The following PTPRG variants were observed in gnomAD, a reference collection of about 807,000 sequenced individuals.
The protein encoded by PTPRG is protein tyrosine phosphatase receptor type G.
A neutral mutation model predicts 165.3 loss-of-function variants in PTPRG; 102 were observed. The ratio of observed to expected loss-of-function variants is 0.62; its 90% CI spans 0.53 to 0.73. The LOEUF (loss-of-function observed/expected upper bound fraction) is 0.73, where lower values mean the gene tolerates loss of function less well. Ranked by LOEUF, PTPRG falls within the 30% of genes least tolerant of loss-of-function variation. The pLI is 0.00. For missense variants in PTPRG, 1,866 were observed against 1,861.4 expected (o/e 1.00, Z -0.05); for synonymous variants, 675 against 669.5 (o/e 1.01, Z -0.13).
At chr3:62,030,699 C>G (rs189558869) in intron 4 of PTPRG, among the ~76,000 whole-genome samples, 16 of 152,124 alleles carry the variant, frequency 1.1e-4, no homozygotes, top group Non-Finnish European at 1.6e-4. Context: ...AGTTAATGAA[C>G]AGCAAACAGT....
chr3:61,705,917 A>G (rs978626699), intron 1 of PTPRG, among the ~76,000 whole-genome samples: 9 of 152,130 alleles, frequency 5.9e-5, no homozygotes, highest in African/African-American at 2.2e-4. Flanking sequence ...GCAATACACA[A>G]GCATACTCCG....
chr3:61,963,010 A>G lies in PTPRG; in HGVS notation c.191-26615A>G, dbSNP rs150560617. The stretch of plus-strand genomic sequence containing the variant: ...TATTTCCACCATGTTGGTGAATTCT[A>G]TATTCCGTCCCCACCCTATCCTCCC... On this transcript the variant is annotated intron_variant, in intron 2 of 29. Coordinates refer to ENST00000474889, the MANE Select transcript of PTPRG (RefSeq NM_002841.4). 3.5e-4 allele frequency among the ~76,000 whole-genome samples: 54 copies of G among 152,292 alleles called. 1 individual carries two copies. Among genetic ancestry groups the G allele is most frequent in the South Asian group, 2.1e-3 (10 of 4,824 alleles).
chr3:62,081,130 A>G (rs921113469), intron 5 of PTPRG, among the ~76,000 whole-genome samples: 6 of 151,322 alleles, frequency 4.0e-5, no homozygotes, highest in South Asian at 2.1e-4. Context: ...GGTGGCGGGC[A>G]CCTGTAGTCC....
In PTPRG at chr3:62,195,686, G is replaced by A. The variant is rs1362639434; in HGVS notation, c.1327+516G>A. 6.6e-6 allele frequency among the ~76,000 whole-genome samples: 1 copy of A among 152,090 alleles called. No homozygotes were observed. The highest frequency in any genetic ancestry group is 1.5e-5 in the Non-Finnish European group (1 of 68,022). On this transcript the variant is annotated intron_variant, in intron 10 of 29. Transcript: ENST00000474889. This position sits in a 1 kb window ranked among gnomAD's most constrained non-coding sequence, Gnocchi z 4.4. ...CTTAGGGACTAATAGAAAGGTCCAG[G>A]GCCAGAACTAGGGTGAAGCAAATGG...
intron 4 of PTPRG, among the ~76,000 whole-genome samples, chr3:62,005,210 A>G (rs1258699658): frequency 1.3e-5 from 2 of 152,182 alleles, no homozygotes; most frequent in African/African-American, 2.4e-5. Context: ...GGGACTTCCT[A>G]TCCTAGTCAC....
chr3:61,985,766 A>G (rs1388653290), intron 2 of PTPRG, among the ~76,000 whole-genome samples: 2 of 152,302 alleles, frequency 1.3e-5, no homozygotes, highest in African/African-American at 2.4e-5. Context: ...CATAGAAAAA[A>G]TAAGAGCAGT....
chr3:62,256,245 T>A (rs1275106587), intron 16 of PTPRG, among the ~76,000 whole-genome samples: 2 of 152,134 alleles, frequency 1.3e-5, no homozygotes, highest in African/African-American at 4.8e-5. Context: ...AGCTGGAAGG[T>A]GCAGTTACCT....
intron 27 of PTPRG, 111 bp from the exon 28 acceptor site, chr3:62,282,616 T>G: frequency 9.5e-7 from 1 of 1,049,500 alleles, no homozygotes; most frequent in Non-Finnish European, 1.3e-6. Flanking sequence ...TAACACAACA[T>G]TGTTGAGAGT....
intron 2 of PTPRG, among the ~76,000 whole-genome samples, chr3:61,792,717 TTTCTTTCTTTCTTTCTTTCTTTC>T (rs2034921679): frequency 8.7e-6 from 1 of 115,028 alleles, no homozygotes; most frequent in Non-Finnish European, 1.8e-5. Flanking sequence ...TCTTTCTTTC[TTTCTTTCTTTCTTTCTTTCTTTC>T]TTTCTTTGAG....
chr3:62,175,501 G>A (rs977715976), intron 8 of PTPRG, among the ~76,000 whole-genome samples: 4 of 152,212 alleles, frequency 2.6e-5, no homozygotes, highest in African/African-American at 9.6e-5. Flanking sequence ...TGTGCCAGAT[G>A]CTGTGCTATT....
intron 1 of PTPRG, among the ~76,000 whole-genome samples, chr3:61,732,915 G>A (rs992395241): frequency 3.3e-5 from 5 of 152,160 alleles, no homozygotes; most frequent in Non-Finnish European, 7.3e-5. Flanking sequence ...CAGTTAGTTG[G>A]TGTTAGCATA....
In PTPRG at chr3:61,949,808, C is replaced by T. The variant is rs1005219687; in HGVS notation, c.191-39817C>T. ...TGTCACCCAGGCTGGAGTGCAGTGG[C>T]GTGATCTCGGCTCACTGCAACCTCC... On this transcript the variant is annotated intron_variant, in intron 2 of 29. Coordinates refer to ENST00000474889, the MANE Select transcript of PTPRG (RefSeq NM_002841.4). Among the ~76,000 whole-genome samples the T allele has an allele frequency of 4.0e-5, 6 of 151,566 alleles. No homozygotes were observed. The South Asian group carries it at 6.3e-4, about 16-fold the overall frequency.
At chr3:62,143,985 A>T (rs1704024883) in intron 6 of PTPRG, among the ~76,000 whole-genome samples, 1 of 152,154 alleles carries the variant, frequency 6.6e-6, no homozygotes, top group Non-Finnish European at 1.5e-5. Flanking sequence ...GTGCCCTCTA[A>T]ATCAGTGGTC....
intron 1 of PTPRG, among the ~76,000 whole-genome samples, chr3:61,726,879 C>T (rs1035181712): frequency 6.6e-6 from 1 of 152,088 alleles, no homozygotes; most frequent in Non-Finnish European, 1.5e-5. Context: ...AATCCCGTCT[C>T]TACTGAAAAT....
intron 4 of PTPRG, among the ~76,000 whole-genome samples, chr3:62,073,442 G>A (rs539189720): frequency 5.9e-5 from 9 of 152,280 alleles, no homozygotes; most frequent in East Asian, 1.9e-4. Context: ...GGATAAACCC[G>A]CATAAATGTG....
At chr3:62,120,583 C>T (rs1352476635) in intron 5 of PTPRG, among the ~76,000 whole-genome samples, 2 of 150,866 alleles carry the variant, frequency 1.3e-5, no homozygotes, top group African/African-American at 4.9e-5. Flanking sequence ...AAACCCCATC[C>T]CTACTAAAAA....
At chr3:61,572,836 A>T (rs910991019) in intron 1 of PTPRG, among the ~76,000 whole-genome samples, 1 of 152,146 alleles carries the variant, frequency 6.6e-6, no homozygotes, top group African/African-American at 2.4e-5. Context: ...TATTTACAAT[A>T]CTCAGCTGGT....
intron 1 of PTPRG, among the ~76,000 whole-genome samples, chr3:61,565,610 A>AT (rs913437378): frequency 4.8e-4 from 72 of 149,054 alleles, no homozygotes; most frequent in African/African-American, 1.4e-3. Flanking sequence ...AGCTCAGCAG[A>AT]TTTTTTTTTT....
intron 6 of PTPRG, among the ~76,000 whole-genome samples, chr3:62,143,905 G>T (rs1359855098): frequency 6.6e-6 from 1 of 152,136 alleles, no homozygotes; most frequent in Admixed American, 6.5e-5. Context: ...CTTATCTCAC[G>T]AGTATCATCG....
Sources: allele counts gnomAD v4.1 joint callset (sites outside exome capture counted in the v4.1 genomes callset), GRCh38; gene constraint gnomAD v4.1.1; non-coding constraint Gnocchi (gnomAD v3.1); transcripts MANE v1.5; gene names NCBI Gene and HGNC (gene_info 2026-07-23, HGNC 2026-07-21).